SPRY3: variants seen among roughly 807,000 people sequenced by gnomAD.
The protein encoded by SPRY3 is sprouty RTK signaling antagonist 3, also known as protein sprouty homolog 3.
A neutral mutation model predicts 20.2 loss-of-function variants in SPRY3; 15 were observed. The ratio of observed to expected loss-of-function variants is 0.74; its 90% CI spans 0.50 to 1.14. The LOEUF is 1.14. SPRY3 is among the 50% of genes most tolerant of loss of function. The pLI, the probability that SPRY3 is intolerant of heterozygous loss-of-function variation, is 0.00. For synonymous variants in SPRY3, 143 were observed against 136.5 expected (o/e 1.05, Z -0.33); for missense variants, 364 against 363.9 (o/e 1.00, Z 0.00).
intron 1 of SPRY3, among the ~76,000 whole-genome samples, chrX:155,616,356 C>T (rs782468875): frequency 9.1e-6 from 1 of 110,148 alleles, no homozygotes; most frequent in African/African-American, 3.3e-5. Context: ...ACAGATCTAT[C>T]GTGGGTAATG....
intron 1 of SPRY3, among the ~76,000 whole-genome samples, chrX:155,645,630 T>C (rs1192219579): frequency 1.8e-5 from 2 of 112,328 alleles, no homozygotes; most frequent in Non-Finnish European, 3.8e-5. Context: ...TGTCTCACAG[T>C]TGTTGCACTT....
chrX:155,648,480 G>T (rs1408454561), intron 1 of SPRY3, among the ~76,000 whole-genome samples: 2 of 112,698 alleles, frequency 1.8e-5, no homozygotes, highest in African/African-American at 6.4e-5. Flanking sequence ...TTTGTATAAT[G>T]TGTAAGGAAG....
chrX:155,625,824 T>A (rs1285920618), intron 1 of SPRY3, among the ~76,000 whole-genome samples: 1 of 111,847 alleles, frequency 8.9e-6, no homozygotes, highest in Non-Finnish European at 1.9e-5. Context: ...AATAATACAA[T>A]GTGGTCCTTT....
chrX:155,637,140 T>A (rs1266588198), intron 1 of SPRY3, among the ~76,000 whole-genome samples: 1 of 108,471 alleles, frequency 9.2e-6, no homozygotes, highest in Non-Finnish European at 1.9e-5. Context: ...CATATGTAAC[T>A]AACCTGCACA....
intron 2 of SPRY3, among the ~76,000 whole-genome samples, chrX:155,714,986 C>T (rs1286836464): frequency 6.6e-6 from 1 of 152,120 alleles, no homozygotes; most frequent in African/African-American, 2.4e-5. Flanking sequence ...GAACTCCTCT[C>T]TGGCCCAGAG....
chrX:155,628,081 A>G lies in SPRY3; in HGVS notation c.-441+15434A>G, dbSNP rs1194344342. ...ATTGATGGGCATTTGGGTTGATTCT[A>G]TGTGTTTGCTATTGTGAATAGTGCT... On this transcript the variant is annotated intron_variant, in intron 1 of 3. Coordinates refer to ENST00000675360, the Ensembl canonical transcript of SPRY3. Among the ~76,000 whole-genome samples the G allele has an allele frequency of 1.1e-4, 12 of 111,621 alleles. No homozygotes were observed. In the Admixed American group the frequency reaches 1.1e-3, roughly 11 times the overall value.
chrX:155,636,031 G>T (rs782084923), intron 1 of SPRY3, among the ~76,000 whole-genome samples: 1 of 112,243 alleles, frequency 8.9e-6, no homozygotes, highest in African/African-American at 3.2e-5. Context: ...CTCACTTAAA[G>T]AATTTTGGTT....
intron 2 of SPRY3, among the ~76,000 whole-genome samples, chrX:155,760,868 C>T (rs748400554): frequency 5.9e-5 from 9 of 152,226 alleles, no homozygotes; most frequent in African/African-American, 1.9e-4. Context: ...CGACCCCTAC[C>T]GGTCCATGGT....
chrX:155,640,025 T>C (rs1301242730), intron 1 of SPRY3, among the ~76,000 whole-genome samples: 13 of 112,423 alleles, frequency 1.2e-4, no homozygotes, highest in African/African-American at 4.2e-4. Flanking sequence ...GAGAAATGTC[T>C]GTTCAAGTCC....
chrX:155,765,598 G>A (rs928278409), intron 2 of SPRY3, among the ~76,000 whole-genome samples: 3 of 152,188 alleles, frequency 2.0e-5, no homozygotes, highest in African/African-American at 7.2e-5. Flanking sequence ...ATGGTTGAAT[G>A]AATGAATGAT....
chrX:155,750,645 T>C (rs2091257730), intron 2 of SPRY3, among the ~76,000 whole-genome samples: 1 of 151,854 alleles, frequency 6.6e-6, no homozygotes, highest in Admixed American at 6.6e-5. Flanking sequence ...TGGAGATCAT[T>C]GGTAATGTCA....
exon 4 of SPRY3, chrX:155,775,279 A>G (rs990261857): frequency 6.0e-6 from 1 of 166,068 alleles, no homozygotes; most frequent in South Asian, 2.1e-4. Flanking sequence ...CTTCATTCTC[A>G]CCCTGTCTGC....
At chrX:155,698,182 C>T (rs1003865699) in intron 2 of SPRY3, among the ~76,000 whole-genome samples, 1 of 111,173 alleles carries the variant, frequency 9.0e-6, no homozygotes, top group African/African-American at 3.3e-5. Context: ...CATATATGTC[C>T]CCTTTATCAA....
intron 1 of SPRY3, among the ~76,000 whole-genome samples, chrX:155,616,132 T>TCTCTCTC (rs2067852101): frequency 3.7e-4 from 11 of 29,702 alleles, no homozygotes; most frequent in African/African-American, 6.7e-4. Context: ...CTCTCTCTCC[T>TCTCTCTC]CTCTCTCTCT....
chrX:155,713,645 G>C (rs2091002106), intron 2 of SPRY3, among the ~76,000 whole-genome samples: 3 of 151,912 alleles, frequency 2.0e-5, no homozygotes, highest in Admixed American at 2.0e-4. Flanking sequence ...CTTGACCTTT[G>C]AGAGTTTGAT....
chrX:155,749,066 T>A (rs1296460692), intron 2 of SPRY3, among the ~76,000 whole-genome samples: 2 of 151,962 alleles, frequency 1.3e-5, no homozygotes, highest in Non-Finnish European at 2.9e-5. Flanking sequence ...TTTTTCACAC[T>A]CAATCACACA....
At chrX:155,620,786 G>A (rs782714155) in intron 1 of SPRY3, among the ~76,000 whole-genome samples, 4 of 111,640 alleles carry the variant, frequency 3.6e-5, no homozygotes, top group Non-Finnish European at 7.5e-5. Context: ...GTCAAAACTC[G>A]TTGACTTGTA....
At chrX:155,724,397 T>C (rs2091083653) in intron 2 of SPRY3, among the ~76,000 whole-genome samples, 1 of 152,198 alleles carries the variant, frequency 6.6e-6, no homozygotes, top group African/African-American at 2.4e-5. Flanking sequence ...TTTCATGATA[T>C]TCATTCTTCC....
chrX:155,766,543 C>G (rs566732724), intron 2 of SPRY3, among the ~76,000 whole-genome samples: 15 of 152,120 alleles, frequency 9.9e-5, no homozygotes, highest in Non-Finnish European at 1.9e-4. Context: ...ATGCTGATGG[C>G]CAAGCTCCTG....
Sources: gnomAD v4.1 joint callset for allele counts (sites outside exome capture counted in the v4.1 genomes callset) on GRCh38, gnomAD v4.1.1 for gene constraint, MANE v1.5 for transcripts, NCBI Gene and HGNC (gene_info 2026-07-23, HGNC 2026-07-21) for gene names.